Variants in CACNA2D3 observed in about 807,000 individuals in gnomAD.
CACNA2D3 encodes the protein voltage-dependent calcium channel subunit alpha-2/delta-3.
A neutral mutation model predicts 160.6 loss-of-function variants in CACNA2D3; 60 were observed. That is an observed-to-expected ratio of 0.37 (90% CI 0.30 to 0.46). The LOEUF (loss-of-function observed/expected upper bound fraction) is 0.46, where lower values mean the gene tolerates loss of function less well. Among genes scored for constraint, CACNA2D3 ranks in the 20% least tolerant of loss-of-function variants. CACNA2D3 has a pLI of 1.00. For missense variants in CACNA2D3, 1,205 were observed against 1,365.0 expected (o/e 0.88, Z 1.85); for synonymous variants, 558 against 492.9 (o/e 1.13, Z -1.75).
intron 14 of CACNA2D3, among the ~76,000 whole-genome samples, chr3:54,817,115 C>A (rs906597999): frequency 2.0e-5 from 3 of 152,186 alleles, no homozygotes; most frequent in Non-Finnish European, 4.4e-5. Context: ...CTGTGCCCAA[C>A]TGTTTCTCTA....
chr3:54,251,843 G>C (rs1160082258), intron 2 of CACNA2D3, among the ~76,000 whole-genome samples: 2 of 152,204 alleles, frequency 1.3e-5, no homozygotes, highest in Admixed American at 6.5e-5. Flanking sequence ...AAATGATACT[G>C]TCATAAAACG....
intron 11 of CACNA2D3, among the ~76,000 whole-genome samples, chr3:54,710,713 C>G (rs1700937763): frequency 6.6e-6 from 1 of 152,142 alleles, no homozygotes; most frequent in Admixed American, 6.5e-5. Context: ...CTCCAAGAGC[C>G]TCTCCCTATA....
Position 54,302,381 on chromosome 3 carries a change from A to ACTTACCAT in CACNA2D3, c.205-18052_205-18045dup, listed in dbSNP as rs1436857725. Among the ~76,000 whole-genome samples, 14 of 152,252 alleles carry ACTTACCAT rather than the reference A, an allele frequency of 9.2e-5. No individual in the cohort carries two copies. The East Asian group carries it at 2.1e-3, about 23-fold the overall frequency. On this transcript the variant is annotated intron_variant, in intron 2 of 37. Transcript: ENST00000474759. Reference sequence around the variant, plus strand: ...AAAATACCCTTTGTTTGTGGAGGGGACTTACCATCTTACCATTCAGGTATT... The same window carrying ACTTACCAT: ...AAAATACCCTTTGTTTGTGGAGGGGACTTACCATCTTACCATCTTACCATTCAGGTATT...
chr3:54,678,160 G>T (rs1700277123), intron 11 of CACNA2D3, among the ~76,000 whole-genome samples: 1 of 152,176 alleles, frequency 6.6e-6, no homozygotes, highest in African/African-American at 2.4e-5. Context: ...CTAGGCAGTA[G>T]GTTTGCCCTC....
chr3:54,456,922 A>G (rs372942491), intron 4 of CACNA2D3, among the ~76,000 whole-genome samples: 112 of 149,902 alleles, frequency 7.5e-4, no homozygotes, highest in African/African-American at 2.7e-3. Context: ...GATTGTTTGT[A>G]TTTCTGTAGT....
chr3:54,559,573 G>A (rs1397127751), intron 5 of CACNA2D3, among the ~76,000 whole-genome samples: 2 of 152,186 alleles, frequency 1.3e-5, no homozygotes, highest in African/African-American at 2.4e-5. Flanking sequence ...GATTACAGGT[G>A]TGAGCCATCA....
intron 11 of CACNA2D3, among the ~76,000 whole-genome samples, chr3:54,732,344 A>T (rs1701407845): frequency 6.6e-6 from 1 of 152,204 alleles, no homozygotes; most frequent in Admixed American, 6.5e-5. Context: ...ATCCAATGAG[A>T]GAAGATGGTC....
intron 11 of CACNA2D3, among the ~76,000 whole-genome samples, chr3:54,689,852 T>G (rs1700540790): frequency 6.6e-6 from 1 of 152,140 alleles, no homozygotes; most frequent in Non-Finnish European, 1.5e-5. Context: ...CCAGAGTGAT[T>G]TGTTTAAAAT....
At chr3:55,050,054 T>G (rs2107203515) in intron 35 of CACNA2D3, among the ~76,000 whole-genome samples, 1 of 151,790 alleles carries the variant, frequency 6.6e-6, no homozygotes, top group African/African-American at 2.4e-5. Context: ...TGACTCTTTA[T>G]CCAATTTGCC....
intron 8 of CACNA2D3, among the ~76,000 whole-genome samples, chr3:54,572,214 T>C (rs2106723474): frequency 6.6e-6 from 1 of 152,324 alleles, no homozygotes; most frequent in Non-Finnish European, 1.5e-5. Context: ...AACAAAAGTT[T>C]CTGATTTTAA....
At chr3:54,276,242 G>A (rs1442269651) in intron 2 of CACNA2D3, among the ~76,000 whole-genome samples, 1 of 152,054 alleles carries the variant, frequency 6.6e-6, no homozygotes, top group African/African-American at 2.4e-5. Context: ...GATGAAGATG[G>A]GATGAGAGAG....
chr3:54,178,318 A>G (rs1010144078), intron 2 of CACNA2D3, among the ~76,000 whole-genome samples: 49 of 152,322 alleles, frequency 3.2e-4, no homozygotes, highest in African/African-American at 1.2e-3. Context: ...CCTCTGGGGT[A>G]CCTACCTTGG....
chr3:54,931,793 A>G (rs1701197036), intron 27 of CACNA2D3, among the ~76,000 whole-genome samples: 1 of 152,246 alleles, frequency 6.6e-6, no homozygotes, highest in Admixed American at 6.5e-5. Context: ...CCTGAAATGA[A>G]AAATCAATGA....
intron 5 of CACNA2D3, among the ~76,000 whole-genome samples, chr3:54,519,486 C>T (rs1229622279): frequency 6.6e-6 from 1 of 152,172 alleles, no homozygotes; most frequent in Non-Finnish European, 1.5e-5. Context: ...ACAGCCCCAC[C>T]CCAGAGTGAA....
intron 17 of CACNA2D3, among the ~76,000 whole-genome samples, chr3:54,853,546 CA>C (rs1478384809): frequency 6.6e-6 from 1 of 152,168 alleles, no homozygotes; most frequent in Non-Finnish European, 1.5e-5. Context: ...AAGCATTCAT[CA>C]GATGTCCTTA....
chr3:54,899,238 A>G (rs1700270633), intron 26 of CACNA2D3, among the ~76,000 whole-genome samples: 1 of 152,222 alleles, frequency 6.6e-6, no homozygotes, highest in South Asian at 2.1e-4. Flanking sequence ...TGTTACCAGA[A>G]TAATAATAGT....
chr3:54,421,986 A>C (rs1378463945), intron 4 of CACNA2D3, among the ~76,000 whole-genome samples: 1 of 151,944 alleles, frequency 6.6e-6, no homozygotes, highest in African/African-American at 2.4e-5. Context: ...CTTATAATTC[A>C]TTTGTAGCTT....
intron 3 of CACNA2D3, among the ~76,000 whole-genome samples, chr3:54,339,178 C>T (rs552220880): frequency 3.3e-4 from 51 of 152,280 alleles, no homozygotes; most frequent in South Asian, 8.3e-4. Context: ...GAGTTCCCTC[C>T]GGGACCTCCC....
At chr3:54,676,771 C>T (rs544340482) in intron 11 of CACNA2D3, among the ~76,000 whole-genome samples, 1 of 152,202 alleles carries the variant, frequency 6.6e-6, no homozygotes, top group South Asian at 2.1e-4. Flanking sequence ...CTTAATTAAA[C>T]CTAAAAATAA....
Sources: gnomAD v4.1 joint callset for allele counts (sites outside exome capture counted in the v4.1 genomes callset) on GRCh38, gnomAD v4.1.1 for gene constraint, MANE v1.5 for transcripts, NCBI Gene and HGNC (gene_info 2026-07-23, HGNC 2026-07-21) for gene names.